Variants in TAFA1 observed in about 807,000 individuals in gnomAD.
The protein encoded by TAFA1 is chemokine-like protein TAFA-1.
Under a neutral mutation model 18.5 loss-of-function variants are expected in TAFA1, and 4 were observed. The observed-to-expected ratio is 0.22, with a 90% CI of 0.11 to 0.49. The LOEUF is 0.49. Ranked by LOEUF, TAFA1 falls within the 20% of genes least tolerant of loss-of-function variation. The pLI, the probability that TAFA1 is intolerant of heterozygous loss-of-function variation, is 0.98. For synonymous variants in TAFA1, 56 were observed against 55.2 expected (o/e 1.01, Z -0.06); for missense variants, 147 against 169.0 (o/e 0.87, Z 0.72).
intron 2 of TAFA1, among the ~76,000 whole-genome samples, chr3:68,051,698 G>C (rs999522341): frequency 2.6e-5 from 4 of 152,052 alleles, no homozygotes; most frequent in Admixed American, 1.3e-4. Flanking sequence ...TATTTCACAT[G>C]ATTTGCAAAT....
At chr3:68,299,059 ATGC>A (rs1025346735) in intron 2 of TAFA1, among the ~76,000 whole-genome samples, 1 of 152,218 alleles carries the variant, frequency 6.6e-6, no homozygotes, top group African/African-American at 2.4e-5. Flanking sequence ...TTGACCAAAA[ATGC>A]TGATAGTGAT....
chr3:68,428,997 G>A (rs1388519246), intron 3 of TAFA1, among the ~76,000 whole-genome samples: 1 of 151,930 alleles, frequency 6.6e-6, no homozygotes, highest in Non-Finnish European at 1.5e-5. Context: ...ATATACTTGG[G>A]GTCATGGAAT....
At chr3:68,104,421 TA>T (rs1275064835) in intron 2 of TAFA1, among the ~76,000 whole-genome samples, 2 of 152,062 alleles carry the variant, frequency 1.3e-5, no homozygotes, top group Admixed American at 1.3e-4. Flanking sequence ...TTTATTTATA[TA>T]AAAACAATAT....
intron 2 of TAFA1, among the ~76,000 whole-genome samples, chr3:68,110,489 A>T (rs555882257): frequency 3.8e-4 from 58 of 152,192 alleles, no homozygotes; most frequent in Non-Finnish European, 7.1e-4. Flanking sequence ...TCCTTTGGGT[A>T]TATACCCAGT....
intron 2 of TAFA1, among the ~76,000 whole-genome samples, chr3:68,139,776 T>G (rs1222936751): frequency 6.6e-6 from 1 of 152,204 alleles, no homozygotes; most frequent in African/African-American, 2.4e-5. Flanking sequence ...CTCATCTTAC[T>G]TATCTGAACT....
chr3:68,457,587 A>T (rs1035034510), intron 3 of TAFA1, among the ~76,000 whole-genome samples: 1 of 152,204 alleles, frequency 6.6e-6, no homozygotes. Flanking sequence ...AAACATAAAC[A>T]TTGTGAATGT....
At chr3:68,014,185 A>G (rs1457285985) in intron 2 of TAFA1, among the ~76,000 whole-genome samples, 1 of 152,262 alleles carries the variant, frequency 6.6e-6, no homozygotes, top group African/African-American at 2.4e-5. Flanking sequence ...AAGTGAATAC[A>G]GAATGTCAGC....
intron 2 of TAFA1, among the ~76,000 whole-genome samples, chr3:68,050,269 A>G (rs1195592037): frequency 6.6e-6 from 1 of 152,136 alleles, no homozygotes; most frequent in Admixed American, 6.6e-5. Context: ...GTGGGTACTC[A>G]AGAGAGTATA....
chr3:68,137,245 T>A (rs373220051), intron 2 of TAFA1, among the ~76,000 whole-genome samples: 2 of 148,506 alleles, frequency 1.3e-5, no homozygotes, highest in African/African-American at 2.5e-5. Context: ...ATGTCCTGCT[T>A]TTTTTTTTTC....
intron 2 of TAFA1, among the ~76,000 whole-genome samples, chr3:68,213,806 C>A (rs1180256923): frequency 6.6e-6 from 1 of 152,088 alleles, no homozygotes; most frequent in African/African-American, 2.4e-5. Flanking sequence ...AACTTCTTAC[C>A]ATTGGAGCCA....
intron 2 of TAFA1, among the ~76,000 whole-genome samples, chr3:68,044,535 T>C (rs1036583651): frequency 6.6e-6 from 1 of 152,216 alleles, no homozygotes; most frequent in Non-Finnish European, 1.5e-5. Flanking sequence ...GCTGTTTCAC[T>C]CCAGCCTGGG....
chr3:68,310,434 A>G lies in TAFA1; in HGVS notation c.119-106846A>G, dbSNP rs76951542. ...TTCAACAAGAGATGTTCTAAATCTA[A>G]GAAAACTATGTATAAGTTTTAGTTC... On this transcript the variant is annotated intron_variant, in intron 2 of 4. Transcript: ENST00000478136. 3.6e-3 allele frequency among the ~76,000 whole-genome samples: 550 copies of G among 152,334 alleles called. 5 individuals carry two copies. Among genetic ancestry groups the G allele is most frequent in the East Asian group, 0.034 (177 of 5,184 alleles).
chr3:68,227,002 C>T lies in TAFA1; in HGVS notation c.119-190278C>T, dbSNP rs115971363. 8.9e-3 allele frequency among the ~76,000 whole-genome samples: 1,357 copies of T among 152,268 alleles called. 23 individuals are homozygous for T. The highest frequency in any genetic ancestry group is 0.03 in the African/African-American group (1,265 of 41,550). Reference sequence around the variant, plus strand: ...GGGGTTGTGGGGCACATAAGAGAAGCTGATTTGGCCTCTGTCCTCTAGAGA... The same window carrying T: ...GGGGTTGTGGGGCACATAAGAGAAGTTGATTTGGCCTCTGTCCTCTAGAGA... On this transcript the variant is annotated intron_variant, in intron 2 of 4. Coordinates refer to ENST00000478136, the MANE Select transcript of TAFA1 (RefSeq NM_213609.4).
At position 68,054,538 on chromosome 3, in the gene TAFA1, G is replaced by A. The variant is rs114253360; in HGVS notation, c.118+47794G>A. 1.1e-3 allele frequency among the ~76,000 whole-genome samples: 173 copies of A among 152,294 alleles called. 1 individual carries two copies. The highest frequency in any genetic ancestry group is 3.9e-3 in the African/African-American group (161 of 41,560). On this transcript the variant is annotated intron_variant, in intron 2 of 4. Coordinates refer to ENST00000478136, the MANE Select transcript of TAFA1 (RefSeq NM_213609.4). Reference sequence around the variant, plus strand: ...TATTCCTTTATAGCAATACAAAATAGACTAAGAAGACATGTGGCCTGTGGA... The same window carrying A: ...TATTCCTTTATAGCAATACAAAATAAACTAAGAAGACATGTGGCCTGTGGA...
intron 2 of TAFA1, among the ~76,000 whole-genome samples, chr3:68,312,603 C>G (rs918671657): frequency 2.6e-5 from 4 of 152,190 alleles, no homozygotes; most frequent in South Asian, 2.1e-4. Flanking sequence ...TCATCTCCAT[C>G]TGATACCACC....
chr3:68,140,446 T>C (rs2065655942), intron 2 of TAFA1, among the ~76,000 whole-genome samples: 1 of 152,242 alleles, frequency 6.6e-6, no homozygotes, highest in Non-Finnish European at 1.5e-5. Context: ...TCCTCAGTCA[T>C]CTTGGATGAT....
At chr3:68,439,412 C>CATACATATATATATATATATAT (rs1264523262) in intron 3 of TAFA1, among the ~76,000 whole-genome samples, 19 of 73,418 alleles carry the variant, frequency 2.6e-4, no homozygotes, top group African/African-American at 1.3e-3. Context: ...TATATACATA[C>CATACATATATATATATATATAT]ATATATATAT....
chr3:68,065,508 T>A (rs1048252842), intron 2 of TAFA1, among the ~76,000 whole-genome samples: 1 of 152,076 alleles, frequency 6.6e-6, no homozygotes, highest in Non-Finnish European at 1.5e-5. Context: ...TTGAGGTTAT[T>A]GAGCACTTTC....
At chr3:68,419,442 CTA>C (rs2070913569) in intron 3 of TAFA1, among the ~76,000 whole-genome samples, 2 of 152,262 alleles carry the variant, frequency 1.3e-5, no homozygotes, top group South Asian at 4.2e-4. Flanking sequence ...ATAATGGACT[CTA>C]ATACCAAATT....
Sources: gnomAD v4.1 joint callset for allele counts (sites outside exome capture counted in the v4.1 genomes callset) on GRCh38, gnomAD v4.1.1 for gene constraint, MANE v1.5 for transcripts, NCBI Gene and HGNC (gene_info 2026-07-23, HGNC 2026-07-21) for gene names.